The following HDGFL2 variants were observed in gnomAD, a reference collection of about 807,000 sequenced individuals.
HDGFL2 encodes the protein hepatoma-derived growth factor-related protein 2.
In HDGFL2, 36 loss-of-function variants were observed where a neutral mutation model predicts 77.1. The observed-to-expected ratio is 0.47, with a 90% CI of 0.36 to 0.62. The LOEUF (loss-of-function observed/expected upper bound fraction) is 0.62, where lower values mean the gene tolerates loss of function less well. Ranked by LOEUF, HDGFL2 falls within the 20% of genes least tolerant of loss-of-function variation. The probability of loss-of-function intolerance (pLI) is 0.00; values close to 1 mark genes in which losing one functional copy is unlikely to be tolerated. For missense variants in HDGFL2, 976 were observed against 973.4 expected, an observed-to-expected ratio of 1.00 and a Z score of -0.04; for synonymous variants, 463 against 413.1, an observed-to-expected ratio of 1.12 and a Z score of -1.46.
intron 6 of HDGFL2, among the ~76,000 whole-genome samples, chr19:4,492,391 G>A (rs754293710): frequency 3.3e-5 from 5 of 151,946 alleles, no homozygotes; most frequent in Non-Finnish European, 5.9e-5. Flanking sequence ...GCCTGTGTGT[G>A]TGTGTGCTGT....
At chr19:4,499,345 CA>C (rs371672305) in intron 13 of HDGFL2, 145 bp from the exon 14 acceptor site, 29,270 of 565,944 alleles carry the variant, frequency 0.052, 2 homozygotes, top group South Asian at 0.1. Flanking sequence ...GACTCTGTCT[CA>C]AAAAAAAAAA....
At chr19:4,483,787 A>ATTTTT (rs5826851) in intron 3 of HDGFL2, among the ~76,000 whole-genome samples, 3 of 100,520 alleles carry the variant, frequency 3.0e-5, no homozygotes, top group African/African-American at 4.1e-5. Context: ...TTGTTTCATG[A>ATTTTT]TTTTTTTTTT....
rs765322338 is a variant in HDGFL2 at position 4,496,386 on chromosome 19, G to A, written c.1309G>A (p.Glu437Lys). Reference sequence around the variant, plus strand: ...CCAGAAGGAGAAGAGAGTGCGGCCCGAGGAGAAGCAACAAGCCAAGTGAGC... The same window carrying A: ...CCAGAAGGAGAAGAGAGTGCGGCCCAAGGAGAAGCAACAAGCCAAGTGAGC... ...PGQKEKRVRPEEKQQAKPVKV... is the reference protein window; with the variant it reads ...PGQKEKRVRPKEKQQAKPVKV... Residue 437 changes from glutamate (E) to lysine (K), a missense_variant, in exon 10 of 16, where the codon GAG becomes AAG. By Grantham distance (56) the Glu-to-Lys change is moderately conservative (BLOSUM62 1). Around this residue, in one of 5 missense-constraint regions of HDGFL2, gnomAD observed 567 missense variants for 534.7 expected, o/e 1.06. Transcript: ENST00000616600. 7.4e-6 allele frequency: 12 copies of A among 1,613,826 alleles called. No homozygotes were observed. Among genetic ancestry groups the A allele is most frequent in the South Asian group, 3.3e-5 (3 of 91,060 alleles).
intron 3 of HDGFL2, 37 bp downstream of exon 3, chr19:4,475,620 C>A: frequency 1.3e-6 from 2 of 1,537,702 alleles, no homozygotes; most frequent in Non-Finnish European, 1.7e-6. Flanking sequence ...GTGAAGCGCG[C>A]TACTGATGCA....
chr19:4,475,703 G>A, intron 3 of HDGFL2, 120 bp downstream of exon 3: 3 of 1,230,808 alleles, frequency 2.4e-6, no homozygotes, highest in Non-Finnish European at 3.3e-6. Flanking sequence ...CCCTGTGGTG[G>A]GGCATTCTGG....
chr19:4,472,781 A>T (rs1330884749), intron 1 of HDGFL2, among the ~76,000 whole-genome samples: 4 of 140,790 alleles, frequency 2.8e-5, no homozygotes, highest in Non-Finnish European at 6.1e-5. Flanking sequence ...CGGATCCTGC[A>T]GGACCCGCCG....
intron 4 of HDGFL2, among the ~76,000 whole-genome samples, chr19:4,490,922 C>A (rs1975490496): frequency 6.6e-6 from 1 of 151,924 alleles, no homozygotes; most frequent in Non-Finnish European, 1.5e-5. Flanking sequence ...AGCGATTATC[C>A]TGCCTCGGCC....
chr19:4,488,618 A>G, intron 3 of HDGFL2, 58 bp from the exon 4 acceptor site: 4 of 1,463,510 alleles, frequency 2.7e-6, no homozygotes, highest in Non-Finnish European at 3.7e-6. Flanking sequence ...CATAGTCCTG[A>G]TGGGGAAATC....
chr19:4,502,048 G>A lies in HDGFL2; in HGVS notation c.*38G>A. 2 of 1,427,600 alleles carry A rather than the reference G, an allele frequency of 1.4e-6. No individual in the cohort carries two copies. Among genetic ancestry groups the A allele is most frequent in the East Asian group, 2.5e-5 (1 of 40,346 alleles). The allele number at this position is 1,427,600 out of a possible 1,614,324, so 88.4% of individuals were successfully genotyped here. ...CAGGCCCAGCCCCCGCCCGAGCTCA[G>A]GCTGCCCCTCTCCTTCCCCGGCTCG... On this transcript the variant is annotated 3_prime_UTR_variant, in exon 16 of 16. Transcript: ENST00000616600.
Position 4,493,796 on chromosome 19 carries a change from TC to T in HDGFL2, c.774del (p.Ser259LeufsTer12). The T allele has an allele frequency of 1.3e-6, 2 of 1,542,222 alleles. No individual in the cohort carries two copies. The highest frequency in any genetic ancestry group is 1.8e-6 in the Non-Finnish European group (2 of 1,140,902). ...VAMARSASSS[S>X]SSSSSSDSDV... ...CATGGCGCGGTCGGCGTCCTCCTCC[TC>T]CTCTTCCTCCTCCTCCTCCGACTCC... On this transcript the variant is annotated frameshift_variant, in exon 7 of 16. Coordinates refer to ENST00000616600, the MANE Select transcript of HDGFL2 (RefSeq NM_001001520.3). LOFTEE classifies it high-confidence loss of function.
At chr19:4,492,942 T>A (rs111174163) in intron 6 of HDGFL2, among the ~76,000 whole-genome samples, 11,401 of 131,974 alleles carry the variant, frequency 0.086, 554 homozygotes, top group Non-Finnish European at 0.12. Flanking sequence ...GTGTGGTGTG[T>A]GTGTGTGGTG....
At chr19:4,473,205 G>T (rs1258944322) in intron 1 of HDGFL2, among the ~76,000 whole-genome samples, 4 of 149,682 alleles carry the variant, frequency 2.7e-5, no homozygotes, top group Non-Finnish European at 6.0e-5. Context: ...CTGCGCCGTG[G>T]GGATCTGGGG....
At chr19:4,484,800 T>C (rs1354898168) in intron 3 of HDGFL2, among the ~76,000 whole-genome samples, 2 of 148,992 alleles carry the variant, frequency 1.3e-5, no homozygotes, top group East Asian at 4.0e-4. Context: ...GCCTCCCGAG[T>C]TGCTGGGACT....
At chr19:4,492,320 C>T (rs554264008) in intron 6 of HDGFL2, among the ~76,000 whole-genome samples, 146 of 143,432 alleles carry the variant, frequency 1.0e-3, no homozygotes, top group African/African-American at 3.6e-3. Flanking sequence ...ATGTGTGTGT[C>T]GTGTGTGCAC....
At chr19:4,482,086 G>A (rs1417542352) in intron 3 of HDGFL2, among the ~76,000 whole-genome samples, 1 of 141,132 alleles carries the variant, frequency 7.1e-6, no homozygotes, top group Non-Finnish European at 1.5e-5. Flanking sequence ...AGGCTGGAGT[G>A]CAGTGGCGCG....
chr19:4,483,136 G>C (rs1458351934), intron 3 of HDGFL2, among the ~76,000 whole-genome samples: 1 of 152,224 alleles, frequency 6.6e-6, no homozygotes, highest in Non-Finnish European at 1.5e-5. Context: ...GACCTACTTA[G>C]TATTACCCTT....
chr19:4,501,094 G>A (rs914702080), intron 14 of HDGFL2, 97 bp from the exon 15 acceptor site: 11 of 1,493,336 alleles, frequency 7.4e-6, no homozygotes, highest in Middle Eastern at 1.8e-4. Context: ...CACCCACGGC[G>A]CTCAGCTTGG....
At chr19:4,491,249 ACCCACCCC>A (rs1201078150) in intron 4 of HDGFL2, among the ~76,000 whole-genome samples, 634 of 39,502 alleles carry the variant, frequency 0.016, 6 homozygotes, top group African/African-American at 0.041. Context: ...CACTCCCACC[ACCCACCCC>A]CCCACCCCCC....
At position 4,501,288 on chromosome 19, in the gene HDGFL2, A is replaced by G; in HGVS notation, c.1887A>G (p.Pro629=). 6.2e-7 allele frequency: 1 copy of G among 1,609,706 alleles called. No homozygotes were observed. The highest frequency in any genetic ancestry group is 8.5e-7 in the Non-Finnish European group (1 of 1,177,582). ...HEEGRDSEEG[P]RCGSSEDLHD... ...AGGGTCGGGACTCGGAGGAGGGGCC[A>G]AGGTGTGGCTCCTCTGAAGACCTGC... Residue 629 remains proline, a synonymous_variant, in exon 15 of 16, where the codon CCA becomes CCG. Transcript: ENST00000616600.
Sources: gnomAD v4.1 joint callset for allele counts (sites outside exome capture counted in the v4.1 genomes callset) on GRCh38, gnomAD v4.1.1 for gene constraint, gnomAD v4.1.1 regional missense constraint, MANE v1.5 for transcripts, NCBI Gene and HGNC (gene_info 2026-07-23, HGNC 2026-07-21) for gene names.